APP: variants seen among roughly 807,000 people sequenced by gnomAD.
APP encodes amyloid-beta precursor protein.
A neutral mutation model predicts 101.4 loss-of-function variants in APP; 31 were observed. The observed-to-expected ratio is 0.31, with a 90% CI of 0.23 to 0.41. The LOEUF (loss-of-function observed/expected upper bound fraction) is 0.41, where lower values mean the gene tolerates loss of function less well. APP is among the 10% of genes least tolerant of loss of function. APP has a pLI of 1.00. For missense variants in APP, 839 were observed against 1,003.7 expected, an observed-to-expected ratio of 0.84 and a Z score of 2.22; for synonymous variants, 366 against 364.4, an observed-to-expected ratio of 1.00 and a Z score of -0.05.
chr21:26,144,822 C>A (rs2830090), intron 1 of APP, among the ~76,000 whole-genome samples: 3 of 151,998 alleles, frequency 2.0e-5, no homozygotes, highest in Non-Finnish European at 4.4e-5. Flanking sequence ...AATTTTAGAT[C>A]GAGGGAGTTG....
chr21:26,068,671 C>T (rs553176280), intron 3 of APP, among the ~76,000 whole-genome samples: 22 of 152,292 alleles, frequency 1.4e-4, no homozygotes, highest in African/African-American at 5.3e-4. Flanking sequence ...ACTTGGCCCA[C>T]TTTTCTTCTT....
At chr21:25,943,311 A>G (rs1047787163) in intron 13 of APP, among the ~76,000 whole-genome samples, 2 of 151,794 alleles carry the variant, frequency 1.3e-5, no homozygotes, top group African/African-American at 4.8e-5. Context: ...ATGCACCACC[A>G]CGCCTGGATA....
chr21:26,099,277 GATAGCCT>G lies in APP; in HGVS notation c.226-9212_226-9206del, dbSNP rs1168590706. On this transcript the variant is annotated intron_variant, in intron 2 of 17. Transcript: ENST00000346798. ...ATGCTCTATACCAAATTGTTTCAGA[GATAGCCT>G]ATCTTGTATATTTTCATCGTCTCAA... Among the ~76,000 whole-genome samples the G allele has an allele frequency of 2.0e-5, 3 of 151,954 alleles. No homozygotes were observed. The East Asian group carries it at 5.8e-4, about 29-fold the overall frequency.
chr21:25,885,782 CCCCTGACCCTTTTCT>C (rs1324861806), intron 17 of APP, among the ~76,000 whole-genome samples: 1 of 152,144 alleles, frequency 6.6e-6, no homozygotes, highest in Non-Finnish European at 1.5e-5. Context: ...ACCTCCATAC[CCCCTGACCCTTTTCT>C]CCCTGAACTT....
chr21:26,010,419 C>T (rs2043739843), intron 6 of APP, among the ~76,000 whole-genome samples: 1 of 152,064 alleles, frequency 6.6e-6, no homozygotes, highest in African/African-American at 2.4e-5. Flanking sequence ...TTTGCTTTGG[C>T]ATATTTTTGT....
chr21:26,101,095 CTTTTTTTTTTTTTTT>C (rs35407047), intron 2 of APP, among the ~76,000 whole-genome samples: 12 of 79,354 alleles, frequency 1.5e-4, no homozygotes, highest in Middle Eastern at 0.011. Flanking sequence ...TTTTTTTTTC[CTTTTTTTTTTTTTTT>C]TTTTTTTTGG....
chr21:25,883,956 G>A (rs935874398), intron 17 of APP, among the ~76,000 whole-genome samples: 1 of 151,984 alleles, frequency 6.6e-6, no homozygotes, highest in African/African-American at 2.4e-5. Flanking sequence ...TCGGCTCACT[G>A]CAACCTCTGC....
chr21:26,053,365 C>G lies in APP; in HGVS notation c.356-17G>C. 6.6e-7 allele frequency: 1 copy of G among 1,507,726 alleles called. No individual in the cohort carries two copies. The highest frequency in any genetic ancestry group is 9.2e-7 in the Non-Finnish European group (1 of 1,083,252). The allele number at this position is 1,507,726 out of a possible 1,614,324, so 93.4% of individuals were successfully genotyped here. ...ACTCACCAACTGAAAGAAAGGAAAA[C>G]CACTTCCCGTCATTCCATCTGTATC... On this transcript the variant is annotated splice_polypyrimidine_tract_variant and intron_variant, in intron 3 of 17. Transcript: ENST00000346798.
intron 13 of APP, among the ~76,000 whole-genome samples, chr21:25,921,041 G>T (rs1031223824): frequency 6.8e-6 from 1 of 146,756 alleles, no homozygotes; most frequent in East Asian, 2.0e-4. Context: ...TCCGACCACA[G>T]TGCAATCAAA....
At chr21:26,158,924 G>A (rs946962581) in intron 1 of APP, among the ~76,000 whole-genome samples, 4 of 152,078 alleles carry the variant, frequency 2.6e-5, no homozygotes, top group South Asian at 4.1e-4. Context: ...ACTGGACTGC[G>A]GAATTCCTCA....
intron 7 of APP, among the ~76,000 whole-genome samples, chr21:25,997,690 C>T (rs2043111176): frequency 6.6e-6 from 1 of 152,124 alleles, no homozygotes; most frequent in African/African-American, 2.4e-5. Context: ...TCCTTTTGTG[C>T]CAAATATCCC....
At chr21:25,914,679 G>A (rs113249854) in intron 13 of APP, among the ~76,000 whole-genome samples, 7,277 of 148,730 alleles carry the variant, frequency 0.049, 575 homozygotes, top group African/African-American at 0.17. Context: ...TCAGCCTCCC[G>A]AGTAGCTGGG....
At chr21:26,028,884 G>A (rs527865632) in intron 5 of APP, among the ~76,000 whole-genome samples, 1 of 152,250 alleles carries the variant, frequency 6.6e-6, no homozygotes, top group South Asian at 2.1e-4. Context: ...GGGGCTAATT[G>A]CTAATGAATG....
intron 2 of APP, among the ~76,000 whole-genome samples, chr21:26,094,212 G>A (rs1006880274): frequency 6.6e-6 from 1 of 151,884 alleles, no homozygotes; most frequent in Non-Finnish European, 1.5e-5. Context: ...ACCTGATTCA[G>A]TTACTTTTAT....
At chr21:26,161,833 ATG>A (rs1212672770) in intron 1 of APP, among the ~76,000 whole-genome samples, 1 of 152,186 alleles carries the variant, frequency 6.6e-6, no homozygotes, top group Non-Finnish European at 1.5e-5. Context: ...ATGGGTTTTA[ATG>A]TTAGTCTCTG....
intron 13 of APP, chr21:25,929,064 T>A (rs1209637856): frequency 6.6e-6 from 1 of 152,152 alleles, no homozygotes; most frequent in African/African-American, 2.4e-5. Context: ...TTTCATATGG[T>A]CTTTAAGCCA....
chr21:26,112,055 C>T lies in APP; in HGVS notation c.149G>A (p.Gly50Glu). The T allele has an allele frequency of 6.2e-7, 1 of 1,614,102 alleles. No individual in the cohort carries two copies. Among genetic ancestry groups the T allele is most frequent in the Non-Finnish European group, 8.5e-7 (1 of 1,179,996 alleles). Residue 50 changes from glycine to glutamate, a missense_variant, in exon 2 of 18, where the codon GGG becomes GAG. Gly to Glu is a moderately conservative substitution (Grantham distance 98). Coordinates refer to ENST00000346798, the MANE Select transcript of APP (RefSeq NM_000484.4). Reference sequence around the variant, plus strand: ...CCCTGATGGATCTGAATCCCACTTCCCATTCTGGACATTCATGTGCATGTT... The same window carrying T: ...CCCTGATGGATCTGAATCCCACTTCTCATTCTGGACATTCATGTGCATGTT... ...RLNMHMNVQN[G>E]KWDSDPSGTK...
chr21:26,157,778 T>C (rs567097537), intron 1 of APP, among the ~76,000 whole-genome samples: 7 of 152,326 alleles, frequency 4.6e-5, no homozygotes, highest in Middle Eastern at 3.4e-3. Flanking sequence ...CAATGTTCCT[T>C]TTTGCATAGA....
intron 2 of APP, among the ~76,000 whole-genome samples, chr21:26,108,387 T>G (rs1167404318): frequency 6.6e-6 from 1 of 152,206 alleles, no homozygotes; most frequent in Non-Finnish European, 1.5e-5. Flanking sequence ...ATCTTACACT[T>G]ATAGCACACA....
Sources: allele counts gnomAD v4.1 joint callset (sites outside exome capture counted in the v4.1 genomes callset), GRCh38; gene constraint gnomAD v4.1.1; transcripts MANE v1.5; gene names NCBI Gene and HGNC (gene_info 2026-07-23, HGNC 2026-07-21).